PCCA: variants seen among roughly 807,000 people sequenced by gnomAD.
PCCA encodes the protein propionyl-CoA carboxylase alpha chain, mitochondrial.
Under a neutral mutation model 101.3 loss-of-function variants are expected in PCCA, and 74 were observed. The ratio of observed to expected loss-of-function variants is 0.73; its 90% CI spans 0.61 to 0.89. The LOEUF (loss-of-function observed/expected upper bound fraction) is 0.89, where lower values mean the gene tolerates loss of function less well. PCCA is among the 40% of genes least tolerant of loss of function. The pLI is 0.00. For synonymous variants in PCCA, 294 were observed against 313.6 expected, an observed-to-expected ratio of 0.94 and a Z score of 0.66; for missense variants, 891 against 907.0, an observed-to-expected ratio of 0.98 and a Z score of 0.23.
At chr13:100,370,852 C>G (rs752421691) in intron 19 of PCCA, among the ~76,000 whole-genome samples, 1 of 151,992 alleles carries the variant, frequency 6.6e-6, no homozygotes, top group Non-Finnish European at 1.5e-5. Flanking sequence ...CCCAGATCAC[C>G]CACTGTCACA....
intron 18 of PCCA, among the ~76,000 whole-genome samples, chr13:100,347,190 T>G (rs1357260185): frequency 6.6e-6 from 1 of 152,188 alleles, no homozygotes; most frequent in Non-Finnish European, 1.5e-5. Flanking sequence ...ACTTTTTAAT[T>G]AAGGTTTGTA....
intron 18 of PCCA, among the ~76,000 whole-genome samples, chr13:100,355,208 A>G (rs1490660818): frequency 3.9e-5 from 6 of 152,088 alleles, no homozygotes; most frequent in Non-Finnish European, 7.4e-5. Context: ...GAAAAAAACC[A>G]CAGGATTATC....
chr13:100,528,791 T>A (rs1210998965), intron 23 of PCCA, among the ~76,000 whole-genome samples: 1 of 152,106 alleles, frequency 6.6e-6, no homozygotes, highest in Non-Finnish European at 1.5e-5. Context: ...AACAAGAAAA[T>A]GTTGGTTTCT....
chr13:100,272,181 C>T (rs2063351678), intron 11 of PCCA, among the ~76,000 whole-genome samples: 1 of 152,004 alleles, frequency 6.6e-6, no homozygotes, highest in Admixed American at 6.5e-5. Flanking sequence ...GCCAAACGTG[C>T]AGGATTTAGT....
At chr13:100,368,192 T>TGCC (rs2075335256) in intron 18 of PCCA, among the ~76,000 whole-genome samples, 1 of 152,142 alleles carries the variant, frequency 6.6e-6, no homozygotes, top group South Asian at 2.1e-4. Context: ...GCATACTTAC[T>TGCC]TATTTCATTG....
intron 6 of PCCA, among the ~76,000 whole-genome samples, chr13:100,179,277 A>G (rs954840248): frequency 4.6e-5 from 7 of 152,138 alleles, no homozygotes; most frequent in African/African-American, 1.7e-4. Flanking sequence ...ACACAAATGT[A>G]TACTCCCTTA....
At chr13:100,111,456 C>T (rs950557726) in intron 2 of PCCA, among the ~76,000 whole-genome samples, 3 of 152,124 alleles carry the variant, frequency 2.0e-5, no homozygotes, top group South Asian at 2.1e-4. Flanking sequence ...CCACTGCACC[C>T]GGGCTTGACC....
chr13:100,356,097 A>T (rs1006866544), intron 18 of PCCA, among the ~76,000 whole-genome samples: 32 of 152,160 alleles, frequency 2.1e-4, no homozygotes, highest in African/African-American at 6.5e-4. Flanking sequence ...CCTTCCTCAC[A>T]CCATACATAA....
At chr13:100,325,719 G>A (rs1182113205) in intron 16 of PCCA, among the ~76,000 whole-genome samples, 2 of 152,012 alleles carry the variant, frequency 1.3e-5, no homozygotes, top group South Asian at 2.1e-4. Flanking sequence ...GATAAGCACC[G>A]GCTGCCAGTC....
At chr13:100,458,491 G>A (rs1459298291) in intron 21 of PCCA, among the ~76,000 whole-genome samples, 2 of 145,430 alleles carry the variant, frequency 1.4e-5, no homozygotes, top group East Asian at 2.0e-4. Flanking sequence ...ACACACTAGC[G>A]GAGTATGGTG....
At chr13:100,370,496 G>T (rs1419167805) in intron 19 of PCCA, among the ~76,000 whole-genome samples, 1 of 152,034 alleles carries the variant, frequency 6.6e-6, no homozygotes, top group African/African-American at 2.4e-5. Flanking sequence ...AGCTTATGAG[G>T]AAAACAGGGC....
intron 18 of PCCA, among the ~76,000 whole-genome samples, chr13:100,341,973 A>ATGTATATATATATATATATATG (rs1555426206): frequency 1.6e-5 from 2 of 121,870 alleles, no homozygotes; most frequent in African/African-American, 3.2e-5. Flanking sequence ...ATATATATAT[A>ATGTATATATATATATATATATG]TATATATATG....
chr13:100,230,159 T>C (rs965378962), intron 7 of PCCA, among the ~76,000 whole-genome samples: 1 of 152,054 alleles, frequency 6.6e-6, no homozygotes, highest in African/African-American at 2.4e-5. Context: ...AGGTTAAGTG[T>C]GAAAAGGGCT....
intron 1 of PCCA, among the ~76,000 whole-genome samples, chr13:100,101,043 T>G (rs891016096): frequency 5.9e-5 from 9 of 152,150 alleles, no homozygotes; most frequent in African/African-American, 1.9e-4. Flanking sequence ...CCTCAAGTGA[T>G]CTGCCCGCCT....
intron 20 of PCCA, among the ~76,000 whole-genome samples, chr13:100,446,673 G>A (rs60208954): frequency 0.027 from 4,044 of 152,178 alleles, 189 homozygotes; most frequent in African/African-American, 0.092. Context: ...CAGGAAAGGA[G>A]TCTATTTTAT....
chr13:100,487,449 A>G (rs1429510173), intron 21 of PCCA, among the ~76,000 whole-genome samples: 1 of 152,200 alleles, frequency 6.6e-6, no homozygotes, highest in East Asian at 1.9e-4. Flanking sequence ...ATTTACATAG[A>G]ATTCTAAGAA....
intron 16 of PCCA, among the ~76,000 whole-genome samples, chr13:100,310,656 A>G (rs892332125): frequency 1.3e-5 from 2 of 152,096 alleles, no homozygotes; most frequent in African/African-American, 4.8e-5. Flanking sequence ...CATGAATACC[A>G]TTTCATGTTT....
Position 100,515,412 on chromosome 13 carries a change from T to G in PCCA, c.1900-15T>G, listed in dbSNP as rs769815745. 30 of 1,613,072 alleles carry G rather than the reference T, an allele frequency of 1.9e-5. No individual in the cohort carries two copies. The highest frequency in any genetic ancestry group is 8.0e-5 in the African/African-American group (6 of 74,922). Reference sequence around the variant, plus strand: ...TTTAAACTCATTTATGGTTTGGTTTTGTTTTTCCCTTAAGTACAAGGTGAA... The same window carrying G: ...TTTAAACTCATTTATGGTTTGGTTTGGTTTTTCCCTTAAGTACAAGGTGAA... On this transcript the variant is annotated splice_polypyrimidine_tract_variant and intron_variant, in intron 21 of 23. Coordinates refer to ENST00000376285, the MANE Select transcript of PCCA (RefSeq NM_000282.4).
intron 6 of PCCA, among the ~76,000 whole-genome samples, chr13:100,180,278 T>C (rs2056672861): frequency 6.6e-6 from 1 of 152,204 alleles, no homozygotes; most frequent in Non-Finnish European, 1.5e-5. Context: ...TTAAATTCTC[T>C]TGGGCATCCA....
Sources: gnomAD v4.1 joint callset for allele counts (sites outside exome capture counted in the v4.1 genomes callset) on GRCh38, gnomAD v4.1.1 for gene constraint, MANE v1.5 for transcripts, NCBI Gene and HGNC (gene_info 2026-07-23, HGNC 2026-07-21) for gene names.